The following STK32A variants were observed in gnomAD, a reference collection of about 807,000 sequenced individuals.
STK32A encodes serine/threonine kinase 32A, also known as serine/threonine-protein kinase 32A.
Under a neutral mutation model 53.2 loss-of-function variants are expected in STK32A, and 41 were observed. That is an observed-to-expected ratio of 0.77 (90% CI 0.60 to 1.00). The LOEUF is 1.00. Among genes scored for constraint, STK32A ranks in the 50% least tolerant of loss-of-function variants. The pLI, the probability that STK32A is intolerant of heterozygous loss-of-function variation, is 0.00. For missense variants in STK32A, 458 were observed against 485.8 expected (o/e 0.94, Z 0.54); for synonymous variants, 166 against 162.8 (o/e 1.02, Z -0.15).
Position 147,361,577 on chromosome 5 carries a change from C to A in STK32A, c.623C>A (p.Ser208Tyr). ...TATTCCTTTGCTGTTGACTGGTGGT[C>A]CCTGGGAGTGACGGCATATGAACTG... ...AGYSFAVDWW[S>Y]LGVTAYELLR... Residue 208 changes from serine (S) to tyrosine (Y), a missense_variant, in exon 8 of 13, where the codon TCC (serine) becomes TAC (tyrosine). Ser to Tyr is a moderately radical substitution (Grantham distance 144, BLOSUM62 -2). Transcript: ENST00000397936. The A allele has an allele frequency of 6.2e-7, 1 of 1,613,444 alleles. No homozygotes were observed. Among genetic ancestry groups the A allele is most frequent in the Non-Finnish European group, 8.5e-7 (1 of 1,179,696 alleles).
In STK32A at chr5:147,370,655, G is replaced by A. The variant is rs1377890388; in HGVS notation, c.662G>A (p.Arg221Lys). Reference protein sequence around the residue: ...VTAYELLRGRRPYHIRSSTSS... With the variant: ...VTAYELLRGRKPYHIRSSTSS... The stretch of plus-strand genomic sequence containing the variant: ...CTTTTACTTCTTTTCTCCCTTAAGA[G>A]ACCGTATCATATTCGCTCCAGTACT... The change falls in exon 9 of 13, where the codon AGA (arginine) becomes AAA (lysine). Residue 221 changes from arginine to lysine, a missense_variant and splice_region_variant. Arg to Lys is a conservative substitution (Grantham distance 26, BLOSUM62 2). Coordinates refer to ENST00000397936, the MANE Select transcript of STK32A (RefSeq NM_001112724.2). 8.1e-6 allele frequency: 13 copies of A among 1,603,122 alleles called. No homozygotes were observed. In the Admixed American group the frequency reaches 1.5e-4, roughly 19 times the overall value.
intron 4 of STK32A, among the ~76,000 whole-genome samples, chr5:147,297,335 T>C (rs554935099): frequency 6.6e-6 from 1 of 152,230 alleles, no homozygotes; most frequent in African/African-American, 2.4e-5. Flanking sequence ...TCAAAAGCTG[T>C]CTCTGGAAGG....
At chr5:147,296,461 TG>T (rs1752871784) in intron 4 of STK32A, among the ~76,000 whole-genome samples, 1 of 152,142 alleles carries the variant, frequency 6.6e-6, no homozygotes, top group Non-Finnish European at 1.5e-5. Flanking sequence ...TGCCGGCACT[TG>T]GGAGAGGCCG....
chr5:147,349,276 G>A (rs1007049912), intron 6 of STK32A, among the ~76,000 whole-genome samples: 2 of 152,104 alleles, frequency 1.3e-5, no homozygotes, highest in Non-Finnish European at 2.9e-5. Context: ...TAAAATCCTG[G>A]TGATAAAGGC....
At chr5:147,278,797 C>T (rs565852517) in intron 3 of STK32A, among the ~76,000 whole-genome samples, 1 of 152,096 alleles carries the variant, frequency 6.6e-6, no homozygotes, top group Non-Finnish European at 1.5e-5. Context: ...AAAACATGGA[C>T]ATCATATTTA....
chr5:147,287,663 A>G (rs1307863435), intron 4 of STK32A, among the ~76,000 whole-genome samples: 1 of 152,142 alleles, frequency 6.6e-6, no homozygotes, highest in East Asian at 1.9e-4. Context: ...TCAGTATCTT[A>G]GAGTGGCCTA....
intron 4 of STK32A, among the ~76,000 whole-genome samples, chr5:147,304,518 A>C (rs1469737758): frequency 6.6e-6 from 1 of 152,180 alleles, no homozygotes; most frequent in East Asian, 1.9e-4. Flanking sequence ...AAATATGGGA[A>C]TCACTGGCTG....
intron 2 of STK32A, among the ~76,000 whole-genome samples, chr5:147,265,126 A>G: frequency 7.5e-6 from 1 of 133,294 alleles, no homozygotes; most frequent in South Asian, 2.2e-4. Context: ...AATTATATAT[A>G]CAATTTTATA....
intron 8 of STK32A, among the ~76,000 whole-genome samples, chr5:147,365,990 C>A (rs1438125895): frequency 6.6e-6 from 1 of 151,972 alleles, no homozygotes; most frequent in Non-Finnish European, 1.5e-5. Flanking sequence ...CAGATATGAC[C>A]TTTTTTGTTA....
At chr5:147,383,354 T>G (rs1226488772) in intron 11 of STK32A, 87 bp from the exon 12 acceptor site, 1 of 1,096,670 alleles carries the variant, frequency 9.1e-7, no homozygotes, top group East Asian at 2.6e-5. Flanking sequence ...ATTCATTGAA[T>G]AGACTGTCAC....
intron 2 of STK32A, among the ~76,000 whole-genome samples, chr5:147,277,620 G>A (rs1196395793): frequency 1.3e-5 from 2 of 152,126 alleles, no homozygotes; most frequent in Non-Finnish European, 2.9e-5. Flanking sequence ...TAAGAAAATA[G>A]GCAAGGAGAA....
At chr5:147,309,611 T>C (rs1352743475) in intron 4 of STK32A, among the ~76,000 whole-genome samples, 1 of 152,188 alleles carries the variant, frequency 6.6e-6, no homozygotes, top group Non-Finnish European at 1.5e-5. Context: ...AAAAGCGTAG[T>C]TGTAGAAAGG....
chr5:147,288,004 G>A (rs1439584198), intron 4 of STK32A, among the ~76,000 whole-genome samples: 1 of 152,110 alleles, frequency 6.6e-6, no homozygotes, highest in Non-Finnish European at 1.5e-5. Flanking sequence ...GCTGGCCAAA[G>A]ATGATAGATT....
chr5:147,369,428 C>T (rs1005811931), intron 8 of STK32A, among the ~76,000 whole-genome samples: 3 of 152,230 alleles, frequency 2.0e-5, no homozygotes, highest in Non-Finnish European at 4.4e-5. Flanking sequence ...TGATAAAAAT[C>T]TCTCTCTTAT....
intron 12 of STK32A, 54 bp from the exon 13 acceptor site, chr5:147,383,836 T>C: frequency 7.5e-7 from 1 of 1,333,968 alleles, no homozygotes; most frequent in Non-Finnish European, 1.0e-6. Context: ...AGCTTAAACC[T>C]TTCATTTTAT....
At chr5:147,280,394 T>C (rs1298547498) in intron 4 of STK32A, among the ~76,000 whole-genome samples, 2 of 33,098 alleles carry the variant, frequency 6.0e-5, no homozygotes, top group Non-Finnish European at 1.1e-4. Context: ...AGAAACAACC[T>C]GGGAGCTGTG....
intron 2 of STK32A, among the ~76,000 whole-genome samples, chr5:147,246,790 A>G (rs1256453934): frequency 6.6e-6 from 1 of 152,178 alleles, no homozygotes; most frequent in African/African-American, 2.4e-5. Context: ...TTTCCTTACA[A>G]GTTTTTATGT....
intron 4 of STK32A, among the ~76,000 whole-genome samples, chr5:147,301,796 A>G (rs934798001): frequency 3.2e-4 from 49 of 152,110 alleles, no homozygotes; most frequent in African/African-American, 1.1e-3. Context: ...GCTAAAATCA[A>G]TGTGTCACCA....
intron 4 of STK32A, 51 bp from the exon 5 acceptor site, chr5:147,323,847 C>T: frequency 2.0e-6 from 3 of 1,488,794 alleles, no homozygotes; most frequent in East Asian, 4.7e-5. Flanking sequence ...CTCTGAGACT[C>T]TTTAATGTGT....
Sources: allele counts gnomAD v4.1 joint callset (sites outside exome capture counted in the v4.1 genomes callset), GRCh38; gene constraint gnomAD v4.1.1; transcripts MANE v1.5; gene names NCBI Gene and HGNC (gene_info 2026-07-23, HGNC 2026-07-21).